Variants in AOPEP observed in about 807,000 individuals in gnomAD.
AOPEP encodes aminopeptidase O.
AOPEP carries 77 observed loss-of-function variants against 98.1 expected under a neutral mutation model. That is an observed-to-expected ratio of 0.78 (90% CI 0.65 to 0.95). The LOEUF (loss-of-function observed/expected upper bound fraction) is 0.95. Ranked by LOEUF, AOPEP falls within the 40% of genes least tolerant of loss-of-function variation. The probability of loss-of-function intolerance (pLI) is 0.00; values close to 1 mark genes in which losing one functional copy is unlikely to be tolerated. For missense variants in AOPEP, 1,024 were observed against 1,024.7 expected (o/e 1.00, Z 0.01); for synonymous variants, 346 against 365.3 (o/e 0.95, Z 0.60).
At chr9:95,016,684 C>T (rs2063029213) in intron 13 of AOPEP, among the ~76,000 whole-genome samples, 2 of 151,908 alleles carry the variant, frequency 1.3e-5, no homozygotes, top group African/African-American at 4.8e-5. Context: ...ATGATTATGG[C>T]TCACTGTAAG....
intron 13 of AOPEP, among the ~76,000 whole-genome samples, chr9:95,042,773 T>A (rs754823398): frequency 1.3e-5 from 2 of 152,214 alleles, no homozygotes; most frequent in East Asian, 1.9e-4. Context: ...TGGACACTTA[T>A]GCTTACGTTG....
intron 1 of AOPEP, among the ~76,000 whole-genome samples, chr9:94,734,385 G>A (rs755883479): frequency 1.8e-4 from 28 of 152,164 alleles, no homozygotes; most frequent in Non-Finnish European, 3.5e-4. Flanking sequence ...TCAGACAGAG[G>A]CCAGCAATTG....
chr9:94,895,414 G>GAA (rs5899235), intron 5 of AOPEP, among the ~76,000 whole-genome samples: 3,633 of 57,462 alleles, frequency 0.063, 230 homozygotes, highest in African/African-American at 0.16. Flanking sequence ...ACACAAAAAG[G>GAA]AAAAAAAAAA....
intron 10 of AOPEP, among the ~76,000 whole-genome samples, chr9:94,974,568 C>T (rs1018723158): frequency 2.0e-5 from 3 of 152,244 alleles, no homozygotes; most frequent in Admixed American, 2.0e-4. Context: ...CCTGCTCCCA[C>T]ACTTTTGCCC....
At chr9:94,937,502 G>A (rs1366040883) in intron 7 of AOPEP, among the ~76,000 whole-genome samples, 1 of 152,192 alleles carries the variant, frequency 6.6e-6, no homozygotes, top group Non-Finnish European at 1.5e-5. Flanking sequence ...TCCAAAGACA[G>A]TCATATTCTG....
At chr9:94,851,755 C>A (rs933359563) in intron 5 of AOPEP, among the ~76,000 whole-genome samples, 1 of 147,982 alleles carries the variant, frequency 6.8e-6, no homozygotes, top group Non-Finnish European at 1.5e-5. Flanking sequence ...CTAAATTAAC[C>A]TAGATGTGGT....
intron 11 of AOPEP, among the ~76,000 whole-genome samples, chr9:95,001,837 G>A (rs2061576148): frequency 6.6e-6 from 1 of 151,994 alleles, no homozygotes; most frequent in African/African-American, 2.4e-5. Flanking sequence ...GAGTGCAGTG[G>A]TGCCATCATG....
In AOPEP at chr9:94,955,973, A is replaced by G; in HGVS notation, c.1830A>G (p.Arg610=). 6.2e-7 allele frequency: 1 copy of G among 1,613,702 alleles called. No individual in the cohort carries two copies. Among genetic ancestry groups the G allele is most frequent in the Non-Finnish European group, 8.5e-7 (1 of 1,179,872 alleles). The change falls in exon 9 of 17, where the codon AGA becomes AGG. Residue 610 remains arginine, a synonymous_variant. Transcript: ENST00000375315. ...ATGAAACCTATTTTTCATTTTTAAG[A>G]AAATTTGTGCACACATTTCATGGAC... ...LGDETYFSFL[R]KFVHTFHGQL...
chr9:94,746,995 A>G (rs1327727024), intron 1 of AOPEP, among the ~76,000 whole-genome samples: 1 of 151,328 alleles, frequency 6.6e-6, no homozygotes, highest in Non-Finnish European at 1.5e-5. Context: ...TTGATCTTCA[A>G]CACAGGCACT....
At chr9:94,814,997 C>T (rs868781509) in intron 5 of AOPEP, among the ~76,000 whole-genome samples, 8 of 152,230 alleles carry the variant, frequency 5.3e-5, no homozygotes, top group African/African-American at 9.6e-5. Flanking sequence ...AGGATACTGA[C>T]GCTTGTGTGG....
chr9:94,820,350 T>G (rs1278046294), intron 5 of AOPEP, among the ~76,000 whole-genome samples: 1 of 152,216 alleles, frequency 6.6e-6, no homozygotes, highest in Non-Finnish European at 1.5e-5. Flanking sequence ...TGTTCCTTCA[T>G]GCAGATGCAG....
chr9:94,967,065 G>T (rs2059246342), intron 9 of AOPEP, among the ~76,000 whole-genome samples: 1 of 152,102 alleles, frequency 6.6e-6, no homozygotes, highest in Non-Finnish European at 1.5e-5. Context: ...GCATTGATGG[G>T]TATGTGAAAG....
chr9:94,825,266 G>T (rs1376014653), intron 5 of AOPEP, among the ~76,000 whole-genome samples: 1 of 152,194 alleles, frequency 6.6e-6, no homozygotes, highest in African/African-American at 2.4e-5. Context: ...AAGTGTGATG[G>T]ATGCCTTGGT....
chr9:94,728,827 C>T (rs1225736708), intron 1 of AOPEP, among the ~76,000 whole-genome samples: 2 of 152,200 alleles, frequency 1.3e-5, no homozygotes, highest in Non-Finnish European at 2.9e-5. Flanking sequence ...TGGGCACAGA[C>T]GTGAGTGAGT....
chr9:94,751,268 A>G (rs1309734889), intron 1 of AOPEP, among the ~76,000 whole-genome samples: 3 of 152,150 alleles, frequency 2.0e-5, no homozygotes, highest in Non-Finnish European at 4.4e-5. Flanking sequence ...TCTAGAGTTT[A>G]TAAGTACTAT....
the AOPEP span, chr9:95,126,543 A>G: frequency 6.2e-6 from 10 of 1,613,966 alleles, no homozygotes; most frequent in Non-Finnish European, 1.7e-6. Flanking sequence ...ACATCTCATC[A>G]ACAACCCGGA....
intron 13 of AOPEP, among the ~76,000 whole-genome samples, chr9:95,034,979 CT>C (rs34875677): frequency 0.89 from 129,231 of 144,640 alleles, 58,294 homozygotes; most frequent in Non-Finnish European, 0.96. Context: ...TTTCTTTTTT[CT>C]TTTTTTTTTT....
Position 94,998,468 on chromosome 9 carries a change from T to C in AOPEP, c.1978-6690T>C, listed in dbSNP as rs143134119. On this transcript the variant is annotated intron_variant, in intron 11 of 16. Coordinates refer to ENST00000375315, the MANE Select transcript of AOPEP (RefSeq NM_001193329.3). ...CTCTCTGGTAGGGGTGCTTCAATAC[T>C]TTTTTTGTCTTAAAGTCACTTCCCT... 1.2e-3 allele frequency among the ~76,000 whole-genome samples: 178 copies of C among 152,270 alleles called. 1 individual carries two copies. Among genetic ancestry groups the C allele is most frequent in the African/African-American group, 4.1e-3 (172 of 41,550 alleles).
At chr9:95,060,024 TCCTGTCTTTG>T (rs1467130606) in intron 13 of AOPEP, among the ~76,000 whole-genome samples, 1 of 152,248 alleles carries the variant, frequency 6.6e-6, no homozygotes, top group East Asian at 1.9e-4. Context: ...TAAGACTATC[TCCTGTCTTTG>T]CCCTTAACTT....
Sources: gnomAD v4.1 joint callset for allele counts (sites outside exome capture counted in the v4.1 genomes callset) on GRCh38, gnomAD v4.1.1 for gene constraint, MANE v1.5 for transcripts, NCBI Gene and HGNC (gene_info 2026-07-23, HGNC 2026-07-21) for gene names.